KIF1B: variants seen among roughly 807,000 people sequenced by gnomAD.
KIF1B encodes the protein kinesin family member 1B, also known as kinesin-like protein KIF1B.
Under a neutral mutation model 241.9 loss-of-function variants are expected in KIF1B, and 76 were observed. That is an observed-to-expected ratio of 0.31 (90% CI 0.26 to 0.38). KIF1B has a LOEUF of 0.38. Ranked by LOEUF, KIF1B falls within the 10% of genes least tolerant of loss-of-function variation. The probability of loss-of-function intolerance (pLI) is 1.00; values close to 1 mark genes in which losing one functional copy is unlikely to be tolerated. For missense variants in KIF1B, 1,622 were observed against 2,271.4 expected (o/e 0.71, Z 5.81); for synonymous variants, 750 against 796.7 (o/e 0.94, Z 0.99).
chr1:10,281,523 C>T (rs569691859), intron 14 of KIF1B, among the ~76,000 whole-genome samples: 32 of 152,042 alleles, frequency 2.1e-4, no homozygotes, highest in Admixed American at 1.1e-3. Flanking sequence ...TAGCAGTGAC[C>T]CATGGTTGTA....
intron 22 of KIF1B, among the ~76,000 whole-genome samples, chr1:10,319,519 A>C (rs2102293491): frequency 6.6e-6 from 1 of 152,288 alleles, no homozygotes; most frequent in South Asian, 2.1e-4. Context: ...CTGAAGGCTA[A>C]ACTCATCCTA....
chr1:10,271,817 G>A (rs1404596361), intron 8 of KIF1B, among the ~76,000 whole-genome samples: 3 of 152,174 alleles, frequency 2.0e-5, no homozygotes, highest in Admixed American at 6.5e-5. Context: ...TCAATGGAAG[G>A]ATAAGTTATC....
chr1:10,277,895 C>G, intron 12 of KIF1B, 91 bp from the exon 13 acceptor site: 1 of 1,137,048 alleles, frequency 8.8e-7, no homozygotes, highest in Non-Finnish European at 1.3e-6. Flanking sequence ...TGTAAACACT[C>G]AGGATATTTG....
At chr1:10,296,824 G>T in intron 20 of KIF1B, 73 bp from the exon 21 acceptor site, 1 of 1,407,638 alleles carries the variant, frequency 7.1e-7, no homozygotes, top group South Asian at 1.2e-5. Context: ...CATTAGGGAG[G>T]GGTGAGGTTG....
At chr1:10,352,490 G>A (rs111801443) in intron 37 of KIF1B, 141 bp from the exon 38 acceptor site, 31 of 696,248 alleles carry the variant, frequency 4.5e-5, no homozygotes, top group Admixed American at 1.0e-4. Flanking sequence ...GAGTCAGACC[G>A]TGGAGGACCC....
intron 22 of KIF1B, among the ~76,000 whole-genome samples, chr1:10,311,982 G>A (rs1569797470): frequency 6.6e-6 from 1 of 151,396 alleles, no homozygotes; most frequent in Non-Finnish European, 1.5e-5. Context: ...CTTTCCCAGT[G>A]TAACACGGCT....
chr1:10,329,426 A>G (rs1651838234), intron 27 of KIF1B, among the ~76,000 whole-genome samples: 1 of 152,170 alleles, frequency 6.6e-6, no homozygotes, highest in South Asian at 2.1e-4. Context: ...TTGCCAATAT[A>G]AATCACTTGT....
rs1650909821 is a variant in KIF1B at position 10,307,984 on chromosome 1, A to G, written c.2115+10738A>G. Reference sequence around the variant, plus strand: ...GGGAATTGTTTATTACATTGAAGTGACTTGAAGTGACCTTTTGTGCTTTAG... The same window carrying G: ...GGGAATTGTTTATTACATTGAAGTGGCTTGAAGTGACCTTTTGTGCTTTAG... On this transcript the variant is annotated intron_variant, in intron 22 of 48. Transcript: ENST00000676179. 3 of 1,056,216 alleles carry G rather than the reference A, an allele frequency of 2.8e-6. No individual in the cohort carries two copies. In the East Asian group the frequency reaches 1.6e-4, roughly 56 times the overall value. The allele number at this position is 1,056,216 out of a possible 1,614,324, so 65.4% of individuals were successfully genotyped here. A position where few individuals can be genotyped will look rare whatever the true frequency, so the allele number is the denominator to read the frequency against.
intron 28 of KIF1B, 48 bp from the exon 29 acceptor site, chr1:10,336,609 C>G: frequency 7.0e-7 from 1 of 1,430,588 alleles, no homozygotes; most frequent in Non-Finnish European, 9.9e-7. Flanking sequence ...CCCTCCCTCC[C>G]CCTGTGTAGT....
intron 44 of KIF1B, 101 bp from the exon 45 acceptor site, chr1:10,371,040 A>ATGTATCAAAG: frequency 7.4e-7 from 1 of 1,345,890 alleles, no homozygotes; most frequent in East Asian, 2.3e-5. Flanking sequence ...CTGAAACAAG[A>ATGTATCAAAG]TGTATCAAAG....
intron 22 of KIF1B, chr1:10,305,115 TG>T: frequency 9.4e-7 from 1 of 1,064,494 alleles, no homozygotes; most frequent in Non-Finnish European, 1.1e-6. Context: ...TGCAACTGGG[TG>T]GGCACAGCTT....
At chr1:10,324,998 T>C in intron 26 of KIF1B, 103 bp downstream of exon 26, 1 of 1,313,858 alleles carries the variant, frequency 7.6e-7, no homozygotes, top group Non-Finnish European at 1.1e-6. Flanking sequence ...AAAAAAAAGG[T>C]GTAAAAAGGC....
At chr1:10,283,125 T>TGCAGTGAGCCAGGA (rs1649501953) in intron 15 of KIF1B, among the ~76,000 whole-genome samples, 1 of 139,176 alleles carries the variant, frequency 7.2e-6, no homozygotes, top group Admixed American at 8.1e-5. Flanking sequence ...GAGAATGGCA[T>TGCAGTGAGCCAGGA]GAACCCAGGA....
intron 2 of KIF1B, among the ~76,000 whole-genome samples, chr1:10,236,199 G>T (rs1273701031): frequency 6.6e-6 from 1 of 152,006 alleles, no homozygotes; most frequent in African/African-American, 2.4e-5. Flanking sequence ...TTAAACCCTG[G>T]AAGCGGAGGT....
At chr1:10,275,369 T>G in intron 10 of KIF1B, 59 bp from the exon 11 acceptor site, 1 of 910,752 alleles carries the variant, frequency 1.1e-6, no homozygotes, top group East Asian at 2.4e-5. Context: ...TGATTTGCCT[T>G]TCTTGGGAAT....
intron 15 of KIF1B, among the ~76,000 whole-genome samples, chr1:10,289,537 T>C (rs891707991): frequency 6.6e-6 from 1 of 152,168 alleles, no homozygotes; most frequent in Non-Finnish European, 1.5e-5. Flanking sequence ...TGCTTTATTT[T>C]TGTCTGGAGC....
rs1464763047 is a variant in KIF1B at position 10,255,676 on chromosome 1, TTACTGAGCATC to T, written c.107-566_107-556del. Among the ~76,000 whole-genome samples the T allele has an allele frequency of 1.3e-5, 2 of 152,326 alleles. 1 individual carries two copies. The highest frequency in any genetic ancestry group is 1.3e-4 in the Admixed American group (2 of 15,298). On this transcript the variant is annotated intron_variant, in intron 2 of 48. Transcript: ENST00000676179. ...GAGGATAAACATTGTCACAGAATAT[TTACTGAGCATC>T]TACTTTATACCAGGGTCTGTTCTGA...
intron 47 of KIF1B, 72 bp downstream of exon 47, chr1:10,375,118 A>T: frequency 6.5e-7 from 1 of 1,543,532 alleles, no homozygotes; most frequent in Non-Finnish European, 9.0e-7. Context: ...ACTCTCTGTT[A>T]CGTGGTGTGA....
chr1:10,264,367 G>A lies in KIF1B; in HGVS notation c.429+2397G>A, dbSNP rs542450557. On this transcript the variant is annotated intron_variant, in intron 5 of 48. Coordinates refer to ENST00000676179, the MANE Select transcript of KIF1B (RefSeq NM_001365951.3). The stretch of plus-strand genomic sequence containing the variant: ...GGTGGCATCTGGAGTGGTTGGTGCA[G>A]AAGTAAAAGAAATGATGATGGCTTT... Among the ~76,000 whole-genome samples, 50 of 152,356 alleles carry A rather than the reference G, an allele frequency of 3.3e-4. 1 individual carries two copies. In the South Asian group the frequency reaches 6.6e-3, roughly 20 times the overall value.
Sources: gnomAD v4.1 joint callset for allele counts (sites outside exome capture counted in the v4.1 genomes callset) on GRCh38, gnomAD v4.1.1 for gene constraint, MANE v1.5 for transcripts, NCBI Gene and HGNC (gene_info 2026-07-23, HGNC 2026-07-21) for gene names.